SH3TC2: variants seen among roughly 807,000 people sequenced by gnomAD.
SH3TC2 encodes SH3 domain and tetratricopeptide repeats 2.
In SH3TC2, 87 loss-of-function variants were observed where a neutral mutation model predicts 124.5. The observed-to-expected ratio is 0.70, with a 90% CI of 0.59 to 0.84. The LOEUF is 0.84. SH3TC2 is among the 40% of genes least tolerant of loss of function. The pLI is 0.00. For synonymous variants in SH3TC2, 634 were observed against 628.5 expected (o/e 1.01, Z -0.13); for missense variants, 1,536 against 1,566.4 (o/e 0.98, Z 0.33).
In SH3TC2 at chr5:149,034,171, T is replaced by C. The variant is rs114292866; in HGVS notation, c.1002-2484A>G. On this transcript the variant is annotated intron_variant, in intron 8 of 16. Transcript: ENST00000515425. ...AGAAGAAACAGCCATATATGAAAAA[T>C]AGCAAAATATAAATCGTAGAAAATG... is the stretch of plus-strand genomic sequence containing the variant. Among the ~76,000 whole-genome samples, 278 of 151,678 alleles carry C rather than the reference T, an allele frequency of 1.8e-3. 1 individual carries two copies. The highest frequency in any genetic ancestry group is 6.3e-3 in the African/African-American group (261 of 41,342).
At chr5:149,038,689 A>AT (rs1754323595) in intron 7 of SH3TC2, among the ~76,000 whole-genome samples, 199 bp from the exon 8 acceptor site, 1 of 152,238 alleles carries the variant, frequency 6.6e-6, no homozygotes, top group Non-Finnish European at 1.5e-5. Context: ...ACTAGGACAT[A>AT]TTTTTAAAAG....
At position 148,988,888 on chromosome 5, in the gene SH3TC2, A is replaced by G. The variant is rs4562031; in HGVS notation, c.*15823T>C. Among the ~76,000 whole-genome samples the G allele has an allele frequency of 0.77, 117,435 of 152,158 alleles. 45,804 individuals are homozygous for G. The highest frequency in any genetic ancestry group is 0.97 in the East Asian group (5,041 of 5,178). ...ATAACTTTAATGTTTAAGGGTTATCACTTTGCTTTCTTCTTTGGATTTGAG... is the reference window on the plus strand; with the variant it reads ...ATAACTTTAATGTTTAAGGGTTATCGCTTTGCTTTCTTCTTTGGATTTGAG... On this transcript the variant is annotated 3_prime_UTR_variant, in exon 17 of 17. Transcript: ENST00000515425.
intron 12 of SH3TC2, among the ~76,000 whole-genome samples, chr5:149,022,335 A>T (rs1753988079): frequency 6.6e-6 from 1 of 152,324 alleles, no homozygotes; most frequent in African/African-American, 2.4e-5. Flanking sequence ...AACCACAATG[A>T]GATACAATAT....
At chr5:149,008,791 T>C in intron 15 of SH3TC2, 60 bp downstream of exon 15, 1 of 1,610,258 alleles carries the variant, frequency 6.2e-7, no homozygotes, top group Non-Finnish European at 8.5e-7. Flanking sequence ...ATTGCTTTGC[T>C]GTCTATCCTT....
intron 12 of SH3TC2, among the ~76,000 whole-genome samples, chr5:149,025,605 G>T (rs1188702195): frequency 3.3e-5 from 5 of 152,144 alleles, no homozygotes; most frequent in Admixed American, 6.5e-5. Flanking sequence ...AGGATTTAAT[G>T]GAATCAATTT....
At chr5:149,023,044 AC>A (rs1561762737) in intron 12 of SH3TC2, among the ~76,000 whole-genome samples, 1 of 152,224 alleles carries the variant, frequency 6.6e-6, no homozygotes, top group Non-Finnish European at 1.5e-5. Context: ...GTGTAATTAA[AC>A]CTCAATAAAA....
At position 149,007,103 on chromosome 5, in the gene SH3TC2, T is replaced by A. The variant is rs192136303; in HGVS notation, c.3479-26A>T. 9.3e-6 allele frequency: 15 copies of A among 1,609,086 alleles called. No homozygotes were observed. In the East Asian group the frequency reaches 3.1e-4, roughly 33 times the overall value. ...CTAAGAATTGGAAGACTGAGAGAGA[T>A]ATCCTGCAACCAACACTTTGCATCA... On this transcript the variant is annotated intron_variant, in intron 15 of 16. Transcript: ENST00000515425.
intron 8 of SH3TC2, chr5:149,035,482 A>G (rs1754267703): frequency 6.5e-6 from 1 of 152,898 alleles, no homozygotes; most frequent in Non-Finnish European, 1.5e-5. Flanking sequence ...CCCAGTGGCC[A>G]GTCGGACGGC....
At position 148,983,628 on chromosome 5, in the gene SH3TC2, G is replaced by A. The variant is rs891626457; in HGVS notation, c.*21083C>T. Among the ~76,000 whole-genome samples the A allele has an allele frequency of 2.6e-5, 4 of 152,022 alleles. No homozygotes were observed. Among genetic ancestry groups the A allele is most frequent in the African/African-American group, 9.7e-5 (4 of 41,388 alleles). ...AACAGCAATCTAGCTTCCTATTTTG[G>A]GGTTTCCTTCCCCCTACCCCGCACC... On this transcript the variant is annotated 3_prime_UTR_variant, in exon 17 of 17. Transcript: ENST00000515425.
At position 149,044,578 on chromosome 5, in the gene SH3TC2, T is replaced by C. The variant is rs756154210; in HGVS notation, c.340A>G (p.Lys114Glu). ...SQRAQFLITF[K>E]TMEEIWKFST... is the part of the protein sequence containing the mutation. ...AACTTCCAGATTTCCTCCATGGTCT[T>C]GAAGGTGATGAGAAACTGGGCCCTC... Residue 114 changes from lysine (K) to glutamate (E), a missense_variant, in exon 4 of 17, where the codon AAG (lysine) becomes GAG (glutamate). By Grantham distance (56) the Lys-to-Glu change is moderately conservative. Transcript: ENST00000515425. 1.9e-6 allele frequency: 3 copies of C among 1,614,032 alleles called. No individual in the cohort carries two copies. In the South Asian group the frequency reaches 3.3e-5, roughly 18 times the overall value.
chr5:149,018,347 A>C (rs990011323), intron 12 of SH3TC2, among the ~76,000 whole-genome samples: 3 of 152,134 alleles, frequency 2.0e-5, no homozygotes, highest in Admixed American at 6.5e-5. Context: ...CTTTGCACCT[A>C]TATTAGTCCA....
chr5:149,017,910 T>C (rs1365377434), intron 12 of SH3TC2, among the ~76,000 whole-genome samples: 3 of 152,248 alleles, frequency 2.0e-5, no homozygotes, highest in Non-Finnish European at 4.4e-5. Context: ...AAATAAAGTG[T>C]TATTGCAACA....
Position 149,004,769 on chromosome 5 carries a change from G to T in SH3TC2, c.3809C>A (p.Pro1270His). 3.1e-6 allele frequency: 5 copies of T among 1,614,020 alleles called. No homozygotes were observed. Among genetic ancestry groups the T allele is most frequent in the Non-Finnish European group, 4.2e-6 (5 of 1,180,008 alleles). The change falls in exon 17 of 17, where the codon CCC becomes CAC. Residue 1270 changes from proline to histidine, a missense_variant. Physicochemically the swap from Pro to His is moderately conservative, Grantham distance 77. Around this residue, in one of 3 missense-constraint regions of SH3TC2, gnomAD observed 426 missense variants for 443.5 expected, o/e 0.96. Transcript: ENST00000515425. ...ICQSPLWHSR[P>H]SGCSSERARW... ...CGCCCTCTCTGAGGAGCACCCGGAG[G>T]GCCTGCTGTGCCACAGGGGGCTCTG... is the stretch of plus-strand genomic sequence containing the variant.
At chr5:149,005,780 T>C (rs1327252082) in intron 16 of SH3TC2, among the ~76,000 whole-genome samples, 2 of 152,198 alleles carry the variant, frequency 1.3e-5, no homozygotes. Context: ...ACAGCAGAGC[T>C]GCCCTGAGGG....
Position 149,004,147 on chromosome 5 carries a change from C to T in SH3TC2, c.*564G>A, listed in dbSNP as rs1561755783. On this transcript the variant is annotated 3_prime_UTR_variant, in exon 17 of 17. Transcript: ENST00000515425. ...TCAGGTTTCGTGCAATCCATCTGGC[C>T]ATTCTGAGGCTGTGTCTTTTGAGCT... The T allele has an allele frequency of 5.6e-6, 1 of 177,606 alleles. No individual in the cohort carries two copies. Among genetic ancestry groups the T allele is most frequent in the Non-Finnish European group, 1.2e-5 (1 of 83,174 alleles). The allele number at this position is 177,606 out of a possible 1,614,324, so 11.0% of individuals were successfully genotyped here.
At position 149,004,777 on chromosome 5, in the gene SH3TC2, G is replaced by C. The variant is rs1274314888; in HGVS notation, c.3801C>G (p.His1267Gln). 1.9e-6 allele frequency: 3 copies of C among 1,614,100 alleles called. No homozygotes were observed. Among genetic ancestry groups the C allele is most frequent in the Admixed American group, 1.7e-5 (1 of 60,032 alleles). The change falls in exon 17 of 17, where the codon CAC becomes CAG. Residue 1267 changes from histidine (H) to glutamine (Q), a missense_variant. Around this residue, in one of 3 missense-constraint regions of SH3TC2, gnomAD observed 426 missense variants for 443.5 expected, o/e 0.96. Coordinates refer to ENST00000515425, the MANE Select transcript of SH3TC2 (RefSeq NM_024577.4). ...LDNICQSPLWHSRPSGCSSER... is the reference protein window; with the variant it reads ...LDNICQSPLWQSRPSGCSSER... ...CTGAGGAGCACCCGGAGGGCCTGCTGTGCCACAGGGGGCTCTGGCAGATGT... is the reference window on the plus strand; with the variant it reads ...CTGAGGAGCACCCGGAGGGCCTGCTCTGCCACAGGGGGCTCTGGCAGATGT...
chr5:149,057,861 A>G (rs1367001034), intron 1 of SH3TC2, among the ~76,000 whole-genome samples: 1 of 152,252 alleles, frequency 6.6e-6, no homozygotes, highest in Non-Finnish European at 1.5e-5. Flanking sequence ...AAGTGAGCAC[A>G]TAATTCAGGC....
rs1446564315 is a variant in SH3TC2 at position 148,989,962 on chromosome 5, G to A, written c.*14749C>T. 6.6e-6 allele frequency among the ~76,000 whole-genome samples: 1 copy of A among 152,178 alleles called. No individual in the cohort carries two copies. Among genetic ancestry groups the A allele is most frequent in the African/African-American group, 2.4e-5 (1 of 41,442 alleles). Reference sequence around the variant, plus strand: ...GATACACAAGTGTGTGCATGTTTGTGTGTATGTGTGTGTGTTTGATGGGGT... The same window carrying A: ...GATACACAAGTGTGTGCATGTTTGTATGTATGTGTGTGTGTTTGATGGGGT... On this transcript the variant is annotated 3_prime_UTR_variant, in exon 17 of 17. Coordinates refer to ENST00000515425, the MANE Select transcript of SH3TC2 (RefSeq NM_024577.4).
intron 12 of SH3TC2, among the ~76,000 whole-genome samples, chr5:149,021,882 T>TCCAAGAAATTGAAGAGGAAGGAA (rs1753977625): frequency 1.8e-5 from 1 of 55,298 alleles, no homozygotes; most frequent in Non-Finnish European, 2.9e-5. Context: ...CACAAACTCT[T>TCCAAGAAATTGAAGAGGAAGGAA]TCTTTTTTTT....
Sources: gnomAD v4.1 joint callset for allele counts (sites outside exome capture counted in the v4.1 genomes callset) on GRCh38, gnomAD v4.1.1 for gene constraint, gnomAD v4.1.1 regional missense constraint, MANE v1.5 for transcripts, NCBI Gene and HGNC (gene_info 2026-07-23, HGNC 2026-07-21) for gene names.